SMAP1: variants seen among roughly 807,000 people sequenced by gnomAD.
SMAP1 encodes stromal membrane-associated protein 1.
Under a neutral mutation model 58.5 loss-of-function variants are expected in SMAP1, and 24 were observed. The ratio of observed to expected loss-of-function variants is 0.41; its 90% CI spans 0.30 to 0.58. The LOEUF is 0.58. Ranked by LOEUF, SMAP1 falls within the 20% of genes least tolerant of loss-of-function variation. The probability of loss-of-function intolerance (pLI) is 0.29; values close to 1 mark genes in which losing one functional copy is unlikely to be tolerated. For missense variants in SMAP1, 563 were observed against 566.3 expected, an observed-to-expected ratio of 0.99 and a Z score of 0.06; for synonymous variants, 216 against 196.6, an observed-to-expected ratio of 1.10 and a Z score of -0.82.
chr6:70,674,176 G>A (rs1165682164), intron 1 of SMAP1, among the ~76,000 whole-genome samples: 2 of 151,072 alleles, frequency 1.3e-5, no homozygotes, highest in Non-Finnish European at 2.9e-5. Context: ...GCTGGAGTGC[G>A]ATGTAGGCTC....
At chr6:70,695,753 C>G (rs953373132) in intron 1 of SMAP1, among the ~76,000 whole-genome samples, 1 of 151,960 alleles carries the variant, frequency 6.6e-6, no homozygotes, top group Non-Finnish European at 1.5e-5. Flanking sequence ...TTTGATGTGT[C>G]TGTCTGGTTT....
At chr6:70,812,452 A>G (rs1271529062) in intron 6 of SMAP1, among the ~76,000 whole-genome samples, 2 of 152,342 alleles carry the variant, frequency 1.3e-5, no homozygotes, top group East Asian at 1.9e-4. Context: ...GTCTTGAGCC[A>G]CAGAAACCAT....
chr6:70,791,985 A>T (rs922228600), intron 5 of SMAP1, among the ~76,000 whole-genome samples: 3 of 152,206 alleles, frequency 2.0e-5, no homozygotes, highest in African/African-American at 7.2e-5. Context: ...TATTGGTGCC[A>T]TGGCTGTATC....
intron 6 of SMAP1, among the ~76,000 whole-genome samples, chr6:70,820,704 C>T (rs1430024242): frequency 5.5e-5 from 8 of 144,884 alleles, no homozygotes; most frequent in Admixed American, 2.1e-4. Context: ...GACTCCATCT[C>T]GGAAAAAAAA....
chr6:70,780,619 T>C (rs1255975375), intron 4 of SMAP1, among the ~76,000 whole-genome samples: 1 of 152,196 alleles, frequency 6.6e-6, no homozygotes, highest in Non-Finnish European at 1.5e-5. Context: ...TCTGTCCTCC[T>C]TCCCTTGCTC....
chr6:70,740,906 A>G (rs988877807), intron 2 of SMAP1, among the ~76,000 whole-genome samples: 1 of 152,218 alleles, frequency 6.6e-6, no homozygotes, highest in Non-Finnish European at 1.5e-5. Flanking sequence ...GCAGACAAGA[A>G]TGGGAGCTAA....
intron 2 of SMAP1, among the ~76,000 whole-genome samples, chr6:70,751,111 G>A (rs1016024175): frequency 1.3e-5 from 2 of 152,084 alleles, no homozygotes; most frequent in African/African-American, 2.4e-5. Context: ...ATGGTGGCAC[G>A]CATCTGTACT....
chr6:70,859,062 T>TCTGTTTGGTCACTTGTTTTAC (rs1771574631), intron 10 of SMAP1: 1 of 254,796 alleles, frequency 3.9e-6, no homozygotes, highest in Non-Finnish European at 7.4e-6. Context: ...AATCTTGGTT[T>TCTGTTTGGTCACTTGTTTTAC]CTGTTTGGTC....
chr6:70,767,311 G>A (rs1430302493), intron 3 of SMAP1, among the ~76,000 whole-genome samples: 2 of 151,878 alleles, frequency 1.3e-5, no homozygotes, highest in Admixed American at 6.6e-5. Context: ...GATGGGGATG[G>A]CATTGAATCT....
chr6:70,823,030 C>T (rs1263883851), intron 6 of SMAP1, among the ~76,000 whole-genome samples: 2 of 152,096 alleles, frequency 1.3e-5, no homozygotes. Context: ...TCTATTCTTG[C>T]ATATTGTCTA....
intron 4 of SMAP1, among the ~76,000 whole-genome samples, chr6:70,782,924 T>C (rs1043270567): frequency 1.3e-5 from 2 of 152,146 alleles, no homozygotes; most frequent in Non-Finnish European, 2.9e-5. Context: ...CCATCTGAGC[T>C]TTGAAGAGAG....
intron 1 of SMAP1, among the ~76,000 whole-genome samples, chr6:70,685,255 G>A (rs1766887957): frequency 6.6e-6 from 1 of 151,152 alleles, no homozygotes; most frequent in African/African-American, 2.4e-5. Context: ...AATACTTGAT[G>A]GAAGCCTCAG....
chr6:70,786,908 C>G (rs1768063385), intron 4 of SMAP1, among the ~76,000 whole-genome samples: 1 of 152,166 alleles, frequency 6.6e-6, no homozygotes, highest in Admixed American at 6.5e-5. Flanking sequence ...GCATCCCCAT[C>G]AAGCTACCAC....
chr6:70,692,283 A>T (rs1767201690), intron 1 of SMAP1, among the ~76,000 whole-genome samples: 1 of 152,136 alleles, frequency 6.6e-6, no homozygotes, highest in South Asian at 2.1e-4. Flanking sequence ...AAATCAGATT[A>T]TTATATTTTT....
intron 4 of SMAP1, among the ~76,000 whole-genome samples, chr6:70,786,037 C>G (rs1276086103): frequency 2.0e-5 from 3 of 152,256 alleles, no homozygotes; most frequent in East Asian, 3.9e-4. Flanking sequence ...GATGAACATA[C>G]ATGCAAAAAT....
At chr6:70,690,704 A>T (rs1410229353) in intron 1 of SMAP1, among the ~76,000 whole-genome samples, 1 of 141,880 alleles carries the variant, frequency 7.0e-6, no homozygotes, top group Non-Finnish European at 1.6e-5. Flanking sequence ...ATATATATAT[A>T]TATATTTTTG....
intron 6 of SMAP1, among the ~76,000 whole-genome samples, chr6:70,810,293 A>G (rs1423871902): frequency 6.6e-6 from 1 of 152,110 alleles, no homozygotes; most frequent in Non-Finnish European, 1.5e-5. Context: ...GCAGGCATAC[A>G]CCAATGTGCC....
intron 4 of SMAP1, among the ~76,000 whole-genome samples, chr6:70,778,739 C>G (rs1767644405): frequency 6.6e-6 from 1 of 152,200 alleles, no homozygotes; most frequent in Non-Finnish European, 1.5e-5. Context: ...GGTTGTCAGG[C>G]CCCTGGGCAG....
intron 10 of SMAP1, chr6:70,859,329 A>T: frequency 2.6e-6 from 4 of 1,546,832 alleles, no homozygotes; most frequent in Non-Finnish European, 3.5e-6. Context: ...TTACTTCCAG[A>T]TAATGCAGAA....
Sources: allele counts gnomAD v4.1 joint callset (sites outside exome capture counted in the v4.1 genomes callset), GRCh38; gene constraint gnomAD v4.1.1; transcripts MANE v1.5; gene names NCBI Gene and HGNC (gene_info 2026-07-23, HGNC 2026-07-21).